Variants in CCDC91 observed in about 807,000 individuals in gnomAD.
CCDC91 encodes the protein coiled-coil domain containing 91, also known as coiled-coil domain-containing protein 91.
CCDC91 carries 48 observed loss-of-function variants against 63.2 expected under a neutral mutation model. The ratio of observed to expected loss-of-function variants is 0.76; its 90% confidence interval spans 0.60 to 0.97. CCDC91 has a LOEUF of 0.97. Among genes scored for constraint, CCDC91 ranks in the 50% least tolerant of loss-of-function variants. The pLI is 0.00. For synonymous variants in CCDC91, 167 were observed against 165.8 expected, an observed-to-expected ratio of 1.01 and a Z score of -0.06; for missense variants, 500 against 494.6, an observed-to-expected ratio of 1.01 and a Z score of -0.10.
At chr12:28,423,795 T>C (rs1948150882) in intron 8 of CCDC91, among the ~76,000 whole-genome samples, 1 of 152,156 alleles carries the variant, frequency 6.6e-6, no homozygotes, top group Admixed American at 6.6e-5. Context: ...TTGTGTGTAA[T>C]TGAAATTTAG....
intron 7 of CCDC91, among the ~76,000 whole-genome samples, chr12:28,373,382 A>C (rs899164330): frequency 6.6e-6 from 1 of 151,854 alleles, no homozygotes; most frequent in Non-Finnish European, 1.5e-5. Context: ...AATTTTGGGA[A>C]GTTTTCAGCC....
chr12:28,274,428 G>GGGA (rs1431725384), intron 3 of CCDC91, among the ~76,000 whole-genome samples: 3 of 152,034 alleles, frequency 2.0e-5, no homozygotes, highest in Admixed American at 6.6e-5. Context: ...AAATTACCTT[G>GGGA]GGAAGTATGG....
intron 1 of CCDC91, among the ~76,000 whole-genome samples, chr12:28,248,843 A>C (rs77668779): frequency 0.019 from 2,851 of 152,242 alleles, 92 homozygotes; most frequent in African/African-American, 0.065. Flanking sequence ...AGAAAGAGCT[A>C]AATAAGAGGA....
At chr12:28,355,919 T>G (rs1213619313) in intron 6 of CCDC91, among the ~76,000 whole-genome samples, 2 of 152,124 alleles carry the variant, frequency 1.3e-5, no homozygotes, top group Admixed American at 1.3e-4. Flanking sequence ...AGAGGGACAA[T>G]CTTATTAAGG....
At chr12:28,264,763 C>T (rs1947077321) in intron 3 of CCDC91, among the ~76,000 whole-genome samples, 1 of 151,558 alleles carries the variant, frequency 6.6e-6, no homozygotes, top group Admixed American at 6.6e-5. Context: ...TTTATTTTCT[C>T]ATTGTAGCGG....
At chr12:28,396,269 A>G (rs2172300) in intron 8 of CCDC91, among the ~76,000 whole-genome samples, 138,849 of 152,104 alleles carry the variant, frequency 0.91, 64,579 homozygotes, top group East Asian at 1. Flanking sequence ...GGGTAAGACC[A>G]TATGAGGGTG....
At chr12:28,334,753 T>G (rs1000079526) in intron 6 of CCDC91, among the ~76,000 whole-genome samples, 5 of 152,114 alleles carry the variant, frequency 3.3e-5, no homozygotes, top group African/African-American at 1.2e-4. Context: ...ACATTTACCT[T>G]ACAGGAAGTG....
intron 1 of CCDC91, among the ~76,000 whole-genome samples, chr12:28,252,717 C>G (rs1946203594): frequency 6.6e-6 from 1 of 151,600 alleles, no homozygotes; most frequent in Non-Finnish European, 1.5e-5. Flanking sequence ...TTATTTCATC[C>G]TAGTTTTCTT....
At chr12:28,227,422 A>G (rs943512408) in intron 1 of CCDC91, among the ~76,000 whole-genome samples, 5 of 152,084 alleles carry the variant, frequency 3.3e-5, no homozygotes, top group African/African-American at 1.2e-4. Context: ...TGTTTATCCT[A>G]GCGATTCTTT....
chr12:28,535,765 A>G (rs1041773267), intron 12 of CCDC91, among the ~76,000 whole-genome samples: 1 of 152,198 alleles, frequency 6.6e-6, no homozygotes, highest in African/African-American at 2.4e-5. Context: ...GTGCGGTATC[A>G]TGCCTGTAAT....
chr12:28,469,409 A>G (rs985978497), intron 11 of CCDC91, among the ~76,000 whole-genome samples: 1 of 152,082 alleles, frequency 6.6e-6, no homozygotes, highest in African/African-American at 2.4e-5. Context: ...AATAAAAACT[A>G]TAAAACACTG....
chr12:28,381,675 A>G (rs529752607), intron 7 of CCDC91, among the ~76,000 whole-genome samples: 1 of 152,130 alleles, frequency 6.6e-6, no homozygotes, highest in East Asian at 1.9e-4. Context: ...AGGTTACTGT[A>G]TTTTGTTGTT....
At chr12:28,365,036 TA>T (rs2138656126) in intron 7 of CCDC91, among the ~76,000 whole-genome samples, 2 of 152,334 alleles carry the variant, frequency 1.3e-5, no homozygotes, top group South Asian at 4.1e-4. Context: ...TTCACTGATT[TA>T]AAAGTATTTA....
chr12:28,257,400 A>G, intron 2 of CCDC91, among the ~76,000 whole-genome samples, 155 bp downstream of exon 2: 1 of 150,924 alleles, frequency 6.6e-6, no homozygotes, highest in Non-Finnish European at 1.5e-5. Flanking sequence ...CAAGAAAAAT[A>G]AAAAAAAACC....
At chr12:28,401,529 G>C (rs1282935814) in intron 8 of CCDC91, among the ~76,000 whole-genome samples, 2 of 152,126 alleles carry the variant, frequency 1.3e-5, no homozygotes, top group East Asian at 1.9e-4. Context: ...TGGCAGAGGA[G>C]CTGCTTCACA....
intron 8 of CCDC91, among the ~76,000 whole-genome samples, chr12:28,399,563 T>A (rs1946491081): frequency 6.6e-6 from 1 of 151,848 alleles, no homozygotes; most frequent in Non-Finnish European, 1.5e-5. Context: ...AACTCAAGAG[T>A]CCAAGTCCAA....
At chr12:28,301,445 G>A (rs939182668) in intron 3 of CCDC91, among the ~76,000 whole-genome samples, 1 of 151,116 alleles carries the variant, frequency 6.6e-6, no homozygotes, top group African/African-American at 2.4e-5. Context: ...ATTTTAATAT[G>A]GTGCTGGATT....
chr12:28,483,900 A>G (rs914293190), intron 11 of CCDC91, 152 bp from the exon 12 acceptor site: 27 of 482,644 alleles, frequency 5.6e-5, no homozygotes, highest in African/African-American at 4.6e-4. Context: ...ACAGATCGCA[A>G]AAGATTCTGT....
intron 12 of CCDC91, among the ~76,000 whole-genome samples, chr12:28,485,946 T>G (rs1006801264): frequency 9.2e-5 from 14 of 152,200 alleles, no homozygotes; most frequent in Admixed American, 8.5e-4. Flanking sequence ...GGTATTTGCT[T>G]TTTTATCATC....
Sources: gnomAD v4.1 joint callset for allele counts (sites outside exome capture counted in the v4.1 genomes callset) on GRCh38, gnomAD v4.1.1 for gene constraint, MANE v1.5 for transcripts, NCBI Gene and HGNC (gene_info 2026-07-23, HGNC 2026-07-21) for gene names.